The following ADAMTS14 variants were observed in gnomAD, a reference collection of about 807,000 sequenced individuals.
ADAMTS14 encodes A disintegrin and metalloproteinase with thrombospondin motifs 14.
ADAMTS14 carries 100 observed loss-of-function variants against 128.6 expected under a neutral mutation model. The ratio of observed to expected loss-of-function variants is 0.78; its 90% CI spans 0.66 to 0.92. The LOEUF is 0.92. Among genes scored for constraint, ADAMTS14 ranks in the 40% least tolerant of loss-of-function variants. The pLI, the probability that ADAMTS14 is intolerant of heterozygous loss-of-function variation, is 0.00. For missense variants in ADAMTS14, 1,562 were observed against 1,658.6 expected, an observed-to-expected ratio of 0.94 and a Z score of 1.01; for synonymous variants, 665 against 653.8, an observed-to-expected ratio of 1.02 and a Z score of -0.26.
At chr10:70,704,273 A>G (rs1057042579) in intron 3 of ADAMTS14, among the ~76,000 whole-genome samples, 1 of 152,014 alleles carries the variant, frequency 6.6e-6, no homozygotes, top group Non-Finnish European at 1.5e-5. Flanking sequence ...TGGAGGGGAC[A>G]ATTCCTCTCG....
intron 18 of ADAMTS14, 53 bp from the exon 19 acceptor site, chr10:70,753,747 T>C (rs1412234756): frequency 3.4e-6 from 5 of 1,477,906 alleles, no homozygotes; most frequent in South Asian, 2.7e-5. Flanking sequence ...AAGTGTCCTC[T>C]GGGATGAAGT....
chr10:70,672,866 G>C lies in ADAMTS14; in HGVS notation c.64G>C (p.Ala22Pro). The C allele has an allele frequency of 6.7e-7, 1 of 1,501,242 alleles. No individual in the cohort carries two copies. Among genetic ancestry groups the C allele is most frequent in the Non-Finnish European group, 8.8e-7 (1 of 1,130,896 alleles). The allele number at this position is 1,501,242 out of a possible 1,614,324, so 93.0% of individuals were successfully genotyped here. Residue 22 changes from alanine to proline, a missense_variant, in exon 1 of 22, where the codon GCG (alanine) becomes CCG (proline). Transcript: ENST00000373207. Reference sequence around the variant, plus strand: ...TTTGCACTGTGCGCTCTGCGCCGCCGCGGGCAGCCGGACCCCAGGTGCGTG... The same window carrying C: ...TTTGCACTGTGCGCTCTGCGCCGCCCCGGGCAGCCGGACCCCAGGTGCGTG... ...LPLHCALCAA[A>P]GSRTPELHLS...
At chr10:70,748,916 C>T (rs1478858006) in intron 15 of ADAMTS14, among the ~76,000 whole-genome samples, 1 of 152,238 alleles carries the variant, frequency 6.6e-6, no homozygotes, top group African/African-American at 2.4e-5. Flanking sequence ...AAAGGTACCA[C>T]TCAGGGGCCT....
At chr10:70,704,593 CACAA>C (rs768083741) in intron 3 of ADAMTS14, among the ~76,000 whole-genome samples, 21 of 140,276 alleles carry the variant, frequency 1.5e-4, no homozygotes, top group African/African-American at 4.0e-4. Context: ...AACACACGCT[CACAA>C]ACACACACCC....
intron 2 of ADAMTS14, among the ~76,000 whole-genome samples, chr10:70,686,374 G>A (rs1475879206): frequency 7.8e-5 from 10 of 128,398 alleles, no homozygotes; most frequent in African/African-American, 2.9e-4. Flanking sequence ...TGGAGGGAAG[G>A]TCAGCAGATA....
chr10:70,687,294 C>T (rs1840002006), intron 2 of ADAMTS14, among the ~76,000 whole-genome samples: 1 of 110,846 alleles, frequency 9.0e-6, no homozygotes, highest in Non-Finnish European at 2.0e-5. Context: ...GGCTGACACC[C>T]CCACCTCCCT....
chr10:70,722,449 G>C (rs1388180999), intron 4 of ADAMTS14, among the ~76,000 whole-genome samples: 1 of 152,124 alleles, frequency 6.6e-6, no homozygotes, highest in African/African-American at 2.4e-5. Context: ...CCAAGGCCTG[G>C]GCTTGTCCTC....
intron 2 of ADAMTS14, among the ~76,000 whole-genome samples, chr10:70,675,541 A>G (rs1839620309): frequency 6.6e-6 from 1 of 152,072 alleles, no homozygotes; most frequent in South Asian, 2.1e-4. Context: ...GTCTTGTAAC[A>G]TTGCGACGTC....
In ADAMTS14 at chr10:70,751,353, A is replaced by T. The variant is rs187362809; in HGVS notation, c.2428-125A>T. ...CCATACCCCAGCCATGCTGGGCACA[A>T]CCTCATCCTAGCTTTCACAGGTTCT... On this transcript the variant is annotated intron_variant, in intron 16 of 21. Transcript: ENST00000373207. The T allele has an allele frequency of 7.1e-5, 68 of 957,922 alleles. No individual in the cohort carries two copies. In the East Asian group the frequency reaches 1.5e-3, roughly 22 times the overall value. The allele number at this position is 957,922 out of a possible 1,614,324, so 59.3% of individuals were successfully genotyped here.
intron 6 of ADAMTS14, among the ~76,000 whole-genome samples, chr10:70,731,578 G>A (rs1390574384): frequency 6.6e-6 from 1 of 152,144 alleles, no homozygotes; most frequent in Non-Finnish European, 1.5e-5. Flanking sequence ...TGATTCCTGT[G>A]TGGCCTGCCT....
At chr10:70,751,872 A>C (rs1306700118) in intron 17 of ADAMTS14, among the ~76,000 whole-genome samples, 3 of 152,214 alleles carry the variant, frequency 2.0e-5, no homozygotes, top group Non-Finnish European at 4.4e-5. Flanking sequence ...AAAAGAGCTC[A>C]CCCACTGTGG....
At chr10:70,730,315 C>T in intron 6 of ADAMTS14, 66 bp downstream of exon 6, 1 of 1,550,190 alleles carries the variant, frequency 6.5e-7, no homozygotes, top group Non-Finnish European at 8.8e-7. Flanking sequence ...AGAGGCTGGG[C>T]CTGGAGGCAG....
intron 4 of ADAMTS14, among the ~76,000 whole-genome samples, chr10:70,719,098 C>T (rs1389788579): frequency 6.6e-6 from 1 of 151,944 alleles, no homozygotes; most frequent in African/African-American, 2.4e-5. Context: ...TTGGTAGAGG[C>T]CAGGGATTCC....
chr10:70,713,876 G>A (rs987234016), intron 4 of ADAMTS14, among the ~76,000 whole-genome samples: 1 of 152,196 alleles, frequency 6.6e-6, no homozygotes, highest in African/African-American at 2.4e-5. Context: ...TTATACTGCT[G>A]TGTGTCTGCA....
intron 18 of ADAMTS14, among the ~76,000 whole-genome samples, 183 bp downstream of exon 18, chr10:70,752,410 C>G (rs1265221967): frequency 9.2e-5 from 14 of 152,066 alleles, no homozygotes; most frequent in Non-Finnish European, 5.9e-5. Context: ...TACCTCTTCT[C>G]TGCCTGATCG....
chr10:70,736,805 G>A lies in ADAMTS14; in HGVS notation c.1599+12G>A, dbSNP rs200432283. The A allele has an allele frequency of 3.6e-5, 58 of 1,612,202 alleles. No individual in the cohort carries two copies. The highest frequency in any genetic ancestry group is 2.8e-4 in the African/African-American group (21 of 74,972). On this transcript the variant is annotated intron_variant, in intron 10 of 21. Coordinates refer to ENST00000373207, the MANE Select transcript of ADAMTS14 (RefSeq NM_080722.4). The stretch of plus-strand genomic sequence containing the variant: ...GTGCACCCGGCAAGGTACCTGTGGG[G>A]TGTGCAGCAGGAGTGGCCTTCCTGG...
intron 17 of ADAMTS14, 56 bp from the exon 18 acceptor site, chr10:70,752,039 C>G (rs1410545199): frequency 6.4e-7 from 1 of 1,571,046 alleles, no homozygotes; most frequent in East Asian, 2.2e-5. Context: ...GAGGCCCCAC[C>G]AGGGCAATGG....
chr10:70,739,061 G>T, intron 11 of ADAMTS14, 71 bp downstream of exon 11: 1 of 1,520,808 alleles, frequency 6.6e-7, no homozygotes. Flanking sequence ...GGAGGGGAAG[G>T]CACTGGGGAG....
intron 19 of ADAMTS14, among the ~76,000 whole-genome samples, chr10:70,756,101 C>T (rs941101195): frequency 2.0e-5 from 3 of 152,132 alleles, no homozygotes; most frequent in Non-Finnish European, 2.9e-5. Flanking sequence ...ATAGAGAATA[C>T]ATTTAGGTGA....
Sources: gnomAD v4.1 joint callset for allele counts (sites outside exome capture counted in the v4.1 genomes callset) on GRCh38, gnomAD v4.1.1 for gene constraint, MANE v1.5 for transcripts, NCBI Gene and HGNC (gene_info 2026-07-23, HGNC 2026-07-21) for gene names.